CDH12: variants seen among roughly 807,000 people sequenced by gnomAD.
The protein encoded by CDH12 is cadherin 12.
In CDH12, 41 loss-of-function variants were observed where a neutral mutation model predicts 74.1. The ratio of observed to expected loss-of-function variants is 0.55; its 90% CI spans 0.43 to 0.72. CDH12 has a LOEUF of 0.72. Among genes scored for constraint, CDH12 ranks in the 30% least tolerant of loss-of-function variants. The probability of loss-of-function intolerance (pLI) is 0.00; values close to 1 mark genes in which losing one functional copy is unlikely to be tolerated. For synonymous variants in CDH12, 399 were observed against 355.0 expected, an observed-to-expected ratio of 1.12 and a Z score of -1.39; for missense variants, 945 against 977.2, an observed-to-expected ratio of 0.97 and a Z score of 0.44.
intron 4 of CDH12, chr5:22,141,437 G>A (rs984781843): frequency 6.6e-6 from 1 of 152,174 alleles, no homozygotes; most frequent in Non-Finnish European, 1.5e-5. Context: ...TTCATTAGGA[G>A]AGAAGAGCAT....
intron 1 of CDH12, among the ~76,000 whole-genome samples, chr5:22,672,996 T>G (rs1047570195): frequency 6.6e-6 from 1 of 152,148 alleles, no homozygotes; most frequent in African/African-American, 2.4e-5. Flanking sequence ...AATCTCTATC[T>G]TTCTGATTTG....
intron 6 of CDH12, among the ~76,000 whole-genome samples, chr5:21,911,051 G>A (rs1753839473): frequency 6.6e-6 from 1 of 152,142 alleles, no homozygotes; most frequent in Admixed American, 6.5e-5. Context: ...ATTTTGCAAA[G>A]TTAATTTACA....
chr5:22,654,789 C>T (rs1739947935), intron 1 of CDH12, among the ~76,000 whole-genome samples: 1 of 151,580 alleles, frequency 6.6e-6, no homozygotes, highest in South Asian at 2.1e-4. Flanking sequence ...CACCACCAAG[C>T]TGGGCTAATT....
chr5:21,809,409 G>T (rs1286949879), intron 9 of CDH12, among the ~76,000 whole-genome samples: 1 of 152,072 alleles, frequency 6.6e-6, no homozygotes, highest in African/African-American at 2.4e-5. Context: ...TATGTGTCAT[G>T]TCCACATACA....
rs757523671 is a variant in CDH12, at chr5:21,802,152, G to A, written c.1256+15C>T. On this transcript the variant is annotated intron_variant, in intron 10 of 14. Transcript: ENST00000382254. ...TTTTCCTGAAACATAGAAAAAAAAT[G>A]TTTCTTTTTCTCACCTAACAGCACT... is the stretch of plus-strand genomic sequence containing the variant. 7 of 1,587,508 alleles carry A rather than the reference G, an allele frequency of 4.4e-6. No homozygotes were observed. In the Admixed American group the frequency reaches 7.1e-5, roughly 16 times the overall value.
At chr5:22,816,573 T>C (rs1327807968) in intron 1 of CDH12, among the ~76,000 whole-genome samples, 2 of 152,168 alleles carry the variant, frequency 1.3e-5, no homozygotes, top group Non-Finnish European at 2.9e-5. Flanking sequence ...TTAGCTACCA[T>C]TGAGTAAAAC....
rs181551268 is a variant in CDH12, at chr5:22,460,916, T to A, written c.-428+44354A>T. ...TTGTATTTTTAGTAGATATGGGGTT[T>A]CACCATGTTGGTCAGCCTGGTCTCA... On this transcript the variant is annotated intron_variant, in intron 2 of 14. Coordinates refer to ENST00000382254, the MANE Select transcript of CDH12 (RefSeq NM_004061.5). Among the ~76,000 whole-genome samples the A allele has an allele frequency of 1.9e-4, 29 of 151,112 alleles. No homozygotes were observed. In the East Asian group the frequency reaches 3.9e-3, roughly 20 times the overall value.
chr5:22,806,509 C>T (rs1380939707), intron 1 of CDH12, among the ~76,000 whole-genome samples: 4 of 151,978 alleles, frequency 2.6e-5, no homozygotes, highest in South Asian at 2.1e-4. Flanking sequence ...CCCGCCATCA[C>T]GCCCGGCTAA....
At chr5:22,207,738 C>A (rs1288949490) in intron 4 of CDH12, among the ~76,000 whole-genome samples, 2 of 152,088 alleles carry the variant, frequency 1.3e-5, no homozygotes, top group Non-Finnish European at 2.9e-5. Flanking sequence ...TCCAACAGGA[C>A]CCCCAAAAAT....
rs1298330181 is a variant in CDH12, at chr5:22,423,859, C to T, written c.-427-18508G>A. Among the ~76,000 whole-genome samples, 7 of 151,512 alleles carry T rather than the reference C, an allele frequency of 4.6e-5. No homozygotes were observed. In the East Asian group the frequency reaches 1.2e-3, roughly 26 times the overall value. ...TCTACTAAAAATACAAAAAATTAGC[C>T]GGGCGTGTTGGCGGGCGCCTGTAGT... On this transcript the variant is annotated intron_variant, in intron 2 of 14. Coordinates refer to ENST00000382254, the MANE Select transcript of CDH12 (RefSeq NM_004061.5).
intron 5 of CDH12, among the ~76,000 whole-genome samples, chr5:22,062,972 T>C (rs1252876822): frequency 6.6e-6 from 1 of 152,070 alleles, no homozygotes; most frequent in Non-Finnish European, 1.5e-5. Context: ...CACAACTCAA[T>C]AACCAAATAA....
chr5:22,726,888 G>T (rs1047643559), intron 1 of CDH12, among the ~76,000 whole-genome samples: 2 of 151,650 alleles, frequency 1.3e-5, no homozygotes, highest in African/African-American at 2.4e-5. Flanking sequence ...AAAACCAAAA[G>T]AATACTTATA....
At position 22,535,042 on chromosome 5, in the gene CDH12, G is replaced by A. The variant is rs185563675; in HGVS notation, c.-522-29678C>T. 5.6e-3 allele frequency among the ~76,000 whole-genome samples: 823 copies of A among 146,536 alleles called. 7 individuals are homozygous for A. Among genetic ancestry groups the A allele is most frequent in the Non-Finnish European group, 7.4e-3 (498 of 66,976 alleles). On this transcript the variant is annotated intron_variant, in intron 1 of 14. Coordinates refer to ENST00000382254, the MANE Select transcript of CDH12 (RefSeq NM_004061.5). ...GGCTGGAGTGCAGTGGCCCGTCTCC[G>A]CTCACTGCAAGCTTCGCCTCCCGGG...
rs192908695 is a variant in CDH12, at chr5:22,556,820, A to C, written c.-522-51456T>G. Among the ~76,000 whole-genome samples the C allele has an allele frequency of 2.0e-5, 3 of 152,146 alleles. 1 individual carries two copies. The East Asian group carries it at 5.8e-4, about 29-fold the overall frequency. On this transcript the variant is annotated intron_variant, in intron 1 of 14. Transcript: ENST00000382254. ...CTTTTTCTGGCCCTTCGAGATGTAA[A>C]TCTTCTACAACCCAGAAATGTCTAT...
At chr5:22,207,504 G>A (rs1246428214) in intron 4 of CDH12, among the ~76,000 whole-genome samples, 11 of 152,094 alleles carry the variant, frequency 7.2e-5, no homozygotes, top group African/African-American at 2.4e-4. Context: ...AACAAATCAC[G>A]GGCTATTTTT....
chr5:22,691,089 C>T (rs1742059728), intron 1 of CDH12, among the ~76,000 whole-genome samples: 1 of 152,124 alleles, frequency 6.6e-6, no homozygotes, highest in Non-Finnish European at 1.5e-5. Context: ...AATTGCTCAT[C>T]TATAACTTGC....
At chr5:22,140,606 C>G (rs960153705) in intron 4 of CDH12, among the ~76,000 whole-genome samples, 1 of 152,084 alleles carries the variant, frequency 6.6e-6, no homozygotes, top group Non-Finnish European at 1.5e-5. Flanking sequence ...TGACACATTT[C>G]TTTATTGCTG....
intron 6 of CDH12, among the ~76,000 whole-genome samples, chr5:21,973,662 A>G (rs1756949418): frequency 6.6e-6 from 1 of 152,288 alleles, no homozygotes; most frequent in South Asian, 2.1e-4. Flanking sequence ...TCATGTTAAC[A>G]CATCCAGTGT....
intron 1 of CDH12, among the ~76,000 whole-genome samples, chr5:22,654,037 C>CCCTT (rs111413726): frequency 1.7e-5 from 2 of 116,760 alleles, no homozygotes; most frequent in South Asian, 3.1e-4. Flanking sequence ...TTCTCCCTTC[C>CCCTT]CCTTCCTTCC....
Sources: gnomAD v4.1 joint callset for allele counts (sites outside exome capture counted in the v4.1 genomes callset) on GRCh38, gnomAD v4.1.1 for gene constraint, MANE v1.5 for transcripts, NCBI Gene and HGNC (gene_info 2026-07-23, HGNC 2026-07-21) for gene names.